Variants in LPP observed in about 807,000 individuals in gnomAD.
LPP encodes the protein lipoma-preferred partner.
Under a neutral mutation model 60.4 loss-of-function variants are expected in LPP, and 38 were observed. That is an observed-to-expected ratio of 0.63 (90% CI 0.49 to 0.83). The LOEUF (loss-of-function observed/expected upper bound fraction) is 0.83. LPP is among the 40% of genes least tolerant of loss of function. The pLI, the probability that LPP is intolerant of heterozygous loss-of-function variation, is 0.00. For synonymous variants in LPP, 328 were observed against 290.8 expected (o/e 1.13, Z -1.30); for missense variants, 902 against 783.6 (o/e 1.15, Z -1.80).
chr3:188,722,357 G>A (rs1393407780), intron 8 of LPP, among the ~76,000 whole-genome samples: 2 of 152,172 alleles, frequency 1.3e-5, no homozygotes, highest in African/African-American at 4.8e-5. Context: ...AGTGATATTA[G>A]TGTGGGTAAC....
chr3:188,375,460 A>T (rs1309098214), intron 3 of LPP, among the ~76,000 whole-genome samples: 5 of 152,162 alleles, frequency 3.3e-5, no homozygotes, highest in Non-Finnish European at 5.9e-5. Context: ...CGAGGAATTT[A>T]TCCATTTATT....
At chr3:188,707,826 G>A (rs939079267) in intron 7 of LPP, among the ~76,000 whole-genome samples, 6 of 152,120 alleles carry the variant, frequency 3.9e-5, no homozygotes, top group African/African-American at 7.2e-5. Context: ...CAGGAAGTCC[G>A]TCGCGGGCTA....
At chr3:188,375,064 A>C (rs60402830) in intron 3 of LPP, among the ~76,000 whole-genome samples, 1,585 of 152,000 alleles carry the variant, frequency 0.01, 23 homozygotes, top group African/African-American at 0.034. Flanking sequence ...AACCCACTTG[A>C]TCATGGTGGA....
At position 188,875,569 on chromosome 3, in the gene LPP, G is replaced by A. The variant is rs935553298; in HGVS notation, c.*1090G>A. On this transcript the variant is annotated 3_prime_UTR_variant, in exon 12 of 12. Coordinates refer to ENST00000617246, the MANE Select transcript of LPP (RefSeq NM_001375462.1). ...AGTTTTGTTTGGTTTACTTTCAAAA[G>A]AGTAGAAAGCTTGAAAAGATTCTGA... is the stretch of plus-strand genomic sequence containing the variant. 9.6e-6 allele frequency: 2 copies of A among 209,262 alleles called. No individual in the cohort carries two copies. The highest frequency in any genetic ancestry group is 1.9e-5 in the Non-Finnish European group (2 of 102,838). 13.0% of individuals were successfully genotyped at this position (209,262 alleles called of 1,614,324 possible). A position where few individuals can be genotyped will look rare whatever the true frequency, so the allele number is the denominator to read the frequency against.
intron 7 of LPP, among the ~76,000 whole-genome samples, chr3:188,653,665 C>A (rs1286046983): frequency 1.3e-5 from 2 of 152,198 alleles, no homozygotes; most frequent in African/African-American, 2.4e-5. Context: ...ACATCTAACG[C>A]ACCTGCCCCA....
intron 9 of LPP, among the ~76,000 whole-genome samples, chr3:188,863,955 T>TAAA (rs58464588): frequency 1.0e-4 from 11 of 108,664 alleles, no homozygotes; most frequent in East Asian, 4.6e-4. Context: ...CAGGGCTGAC[T>TAAA]AAAAAAAAAA....
At chr3:188,760,433 T>TGTGTGTGTGC (rs1399975250) in intron 9 of LPP, 151 bp downstream of exon 9, 3 of 730,024 alleles carry the variant, frequency 4.1e-6, no homozygotes, top group African/African-American at 1.8e-5. Flanking sequence ...TGTGTGTGTG[T>TGTGTGTGTGC]GTGCGTGCGC....
chr3:188,775,548 G>A (rs1737473439), intron 9 of LPP, among the ~76,000 whole-genome samples: 1 of 152,158 alleles, frequency 6.6e-6, no homozygotes, highest in South Asian at 2.1e-4. Context: ...TGTTTTTTCA[G>A]AGGGTTATTA....
chr3:188,270,312 C>T (rs1255748566), intron 2 of LPP, among the ~76,000 whole-genome samples: 1 of 151,910 alleles, frequency 6.6e-6, no homozygotes, highest in Non-Finnish European at 1.5e-5. Context: ...GACACACACA[C>T]ACACACAAAC....
chr3:188,240,598 A>G (rs533183444), intron 2 of LPP, among the ~76,000 whole-genome samples: 10 of 152,218 alleles, frequency 6.6e-5, no homozygotes, highest in African/African-American at 1.7e-4. Flanking sequence ...AGTAGTTAGG[A>G]TATTAGACCA....
intron 2 of LPP, among the ~76,000 whole-genome samples, chr3:188,299,570 G>A (rs557133008): frequency 6.8e-4 from 104 of 152,236 alleles, no homozygotes; most frequent in African/African-American, 2.5e-3. Context: ...ATGAATATGC[G>A]AAAATAGCAA....
At chr3:188,682,812 C>T (rs1208702389) in intron 7 of LPP, among the ~76,000 whole-genome samples, 1 of 152,080 alleles carries the variant, frequency 6.6e-6, no homozygotes, top group Non-Finnish European at 1.5e-5. Context: ...TCACTGGAGA[C>T]AGATTTGGCA....
At chr3:188,585,053 T>C (rs1837130738) in intron 6 of LPP, among the ~76,000 whole-genome samples, 1 of 152,202 alleles carries the variant, frequency 6.6e-6, no homozygotes, top group Non-Finnish European at 1.5e-5. Flanking sequence ...CTGGCAAGTA[T>C]TGGTGAAGTT....
intron 5 of LPP, among the ~76,000 whole-genome samples, chr3:188,502,147 C>T (rs890658896): frequency 1.2e-4 from 18 of 152,114 alleles, no homozygotes; most frequent in Non-Finnish European, 1.5e-5. Flanking sequence ...AATTGTTGTT[C>T]AAGTCCTCTA....
At chr3:188,817,721 G>A (rs1203802206) in intron 9 of LPP, among the ~76,000 whole-genome samples, 1 of 152,106 alleles carries the variant, frequency 6.6e-6, no homozygotes. Flanking sequence ...ACGTCACTTT[G>A]TATACAGAAC....
intron 2 of LPP, among the ~76,000 whole-genome samples, chr3:188,337,200 T>A (rs889700568): frequency 2.5e-4 from 38 of 152,274 alleles, no homozygotes; most frequent in Non-Finnish European, 5.1e-4. Flanking sequence ...GCCTTAGTGA[T>A]GGAGTGTCAT....
At chr3:188,193,591 G>C (rs2149019071) in intron 1 of LPP, among the ~76,000 whole-genome samples, 1 of 152,290 alleles carries the variant, frequency 6.6e-6, no homozygotes, top group Non-Finnish European at 1.5e-5. Flanking sequence ...CATGATATTT[G>C]CACAAGTCTG....
At chr3:188,440,212 T>A (rs149013372) in intron 4 of LPP, among the ~76,000 whole-genome samples, 1 of 152,334 alleles carries the variant, frequency 6.6e-6, no homozygotes, top group African/African-American at 2.4e-5. Context: ...CTGTTTAGTA[T>A]GTTTGGTAAA....
intron 7 of LPP, among the ~76,000 whole-genome samples, chr3:188,707,049 C>CT (rs903297009): frequency 1.3e-4 from 20 of 152,106 alleles, no homozygotes; most frequent in African/African-American, 3.6e-4. Context: ...GCCTTTATTC[C>CT]TTTTTTACAT....
Sources: gnomAD v4.1 joint callset for allele counts (sites outside exome capture counted in the v4.1 genomes callset) on GRCh38, gnomAD v4.1.1 for gene constraint, MANE v1.5 for transcripts, NCBI Gene and HGNC (gene_info 2026-07-23, HGNC 2026-07-21) for gene names.